The following CBFA2T3 variants were observed in gnomAD, a reference collection of about 807,000 sequenced individuals.
CBFA2T3 encodes transcriptional corepressor CBFA2T3.
In CBFA2T3, 31 loss-of-function variants were observed where a neutral mutation model predicts 58.6. That is an observed-to-expected ratio of 0.53 (90% CI 0.40 to 0.71). CBFA2T3 has a LOEUF of 0.71. CBFA2T3 is among the 30% of genes least tolerant of loss of function. CBFA2T3 has a pLI of 0.00. For synonymous variants in CBFA2T3, 531 were observed against 421.9 expected (o/e 1.26, Z -3.17); for missense variants, 1,076 against 963.1 (o/e 1.12, Z -1.55).
chr16:88,891,053 C>T (rs965915092), intron 5 of CBFA2T3, among the ~76,000 whole-genome samples: 5 of 152,118 alleles, frequency 3.3e-5, no homozygotes, highest in Non-Finnish European at 7.4e-5. Flanking sequence ...CCGCGTGCTG[C>T]CACCCTGGTC....
In CBFA2T3 at chr16:88,952,186, G is replaced by A. The variant is rs1011362195; in HGVS notation, c.151+24471C>T. Among the ~76,000 whole-genome samples, 5 of 151,930 alleles carry A rather than the reference G, an allele frequency of 3.3e-5. No individual in the cohort carries two copies. The East Asian group carries it at 9.7e-4, about 30-fold the overall frequency. ...CTAATTTTTATCAGCCAGATACCTG[G>A]CCAGGCCCCAGGGTGGACAATCTCC... is the stretch of plus-strand genomic sequence containing the variant. On this transcript the variant is annotated intron_variant, in intron 1 of 11. Coordinates refer to ENST00000268679, the MANE Select transcript of CBFA2T3 (RefSeq NM_005187.6).
At chr16:88,907,362 T>A (rs1970373266) in intron 1 of CBFA2T3, among the ~76,000 whole-genome samples, 1 of 150,256 alleles carries the variant, frequency 6.7e-6, no homozygotes. Context: ...ACTGAGGTCC[T>A]CCTGCTGGGG....
chr16:88,915,058 G>A (rs1454431719), intron 1 of CBFA2T3, among the ~76,000 whole-genome samples: 1 of 151,578 alleles, frequency 6.6e-6, no homozygotes, highest in Non-Finnish European at 1.5e-5. Context: ...CACTGGCCCT[G>A]GCACCCTGGG....
At chr16:88,962,311 CT>C (rs1972385434) in intron 1 of CBFA2T3, among the ~76,000 whole-genome samples, 1 of 152,274 alleles carries the variant, frequency 6.6e-6, no homozygotes, top group Non-Finnish European at 1.5e-5. Flanking sequence ...CATACTCGTA[CT>C]TTTTTACTTT....
intron 1 of CBFA2T3, among the ~76,000 whole-genome samples, chr16:88,959,880 G>T (rs1024348198): frequency 1.3e-5 from 2 of 152,082 alleles, no homozygotes; most frequent in Non-Finnish European, 2.9e-5. Flanking sequence ...ACAAAAATTA[G>T]CAGGATGCAG....
At chr16:88,894,713 T>C (rs957920161) in intron 3 of CBFA2T3, among the ~76,000 whole-genome samples, 2 of 152,206 alleles carry the variant, frequency 1.3e-5, no homozygotes, top group African/African-American at 2.4e-5. Context: ...TCACCCGTGC[T>C]GAGAGTGTGG....
At position 88,970,082 on chromosome 16, in the gene CBFA2T3, G is replaced by T. The variant is rs776133584; in HGVS notation, c.151+6575C>A. Among the ~76,000 whole-genome samples the T allele has an allele frequency of 3.3e-4, 51 of 152,384 alleles. 1 individual carries two copies. Among genetic ancestry groups the T allele is most frequent in the African/African-American group, 1.2e-3 (51 of 41,590 alleles). ...GAAAAGCTGATGGAAATTCACGTCA[G>T]TGGGAGGCAGGCCTGGGGGAGGGGT... On this transcript the variant is annotated intron_variant, in intron 1 of 11. Coordinates refer to ENST00000268679, the MANE Select transcript of CBFA2T3 (RefSeq NM_005187.6).
intron 1 of CBFA2T3, among the ~76,000 whole-genome samples, chr16:88,932,041 C>T (rs939364476): frequency 1.3e-5 from 2 of 152,156 alleles, no homozygotes; most frequent in East Asian, 1.9e-4. Flanking sequence ...CACACGTGTG[C>T]ACACCATCAC....
chr16:88,877,475 G>GTCT (rs1968884527), intron 11 of CBFA2T3, among the ~76,000 whole-genome samples, 200 bp from the exon 12 acceptor site: 1 of 152,188 alleles, frequency 6.6e-6, no homozygotes, highest in South Asian at 2.1e-4. Flanking sequence ...CCACTACCGT[G>GTCT]TCTCACGCTC....
intron 1 of CBFA2T3, chr16:88,939,658 C>T (rs1971638041): frequency 6.6e-6 from 1 of 152,374 alleles, no homozygotes; most frequent in South Asian, 2.1e-4. Context: ...AAGTATCTGA[C>T]TCCCAACGCC....
intron 1 of CBFA2T3, among the ~76,000 whole-genome samples, chr16:88,904,824 C>T (rs1970241196): frequency 6.6e-6 from 1 of 152,208 alleles, no homozygotes; most frequent in Non-Finnish European, 1.5e-5. Context: ...GAGCCTCTTC[C>T]CCTCTCTGAG....
At chr16:88,879,526 A>T in intron 10 of CBFA2T3, 66 bp from the exon 11 acceptor site, 1 of 1,450,336 alleles carries the variant, frequency 6.9e-7, no homozygotes, top group Non-Finnish European at 9.6e-7. Context: ...TGGACTTCCT[A>T]CGCGTGGCCA....
chr16:88,932,873 G>T (rs559766061), intron 1 of CBFA2T3, among the ~76,000 whole-genome samples: 1 of 147,420 alleles, frequency 6.8e-6, no homozygotes, highest in Non-Finnish European at 1.5e-5. Flanking sequence ...GGAGGCTGAC[G>T]CAGGAGAATC....
At chr16:88,914,011 C>T (rs1445367016) in intron 1 of CBFA2T3, among the ~76,000 whole-genome samples, 1 of 152,230 alleles carries the variant, frequency 6.6e-6, no homozygotes, top group African/African-American at 2.4e-5. Context: ...GCCACTTCCT[C>T]AGCAAGCGTG....
chr16:88,892,779 G>GCCC (rs1969697596), intron 3 of CBFA2T3, among the ~76,000 whole-genome samples: 1 of 152,132 alleles, frequency 6.6e-6, no homozygotes, highest in African/African-American at 2.4e-5. Context: ...AAGCCTCTTT[G>GCCC]CCCCAGGTCC....
Position 88,958,121 on chromosome 16 carries a change from G to C in CBFA2T3, c.151+18536C>G, listed in dbSNP as rs56037336. ...TTGTCAGCGCACCAGGGCAGTAGCG[G>C]GATGGGTGTCAAGGCCGTGCACACC... is the stretch of plus-strand genomic sequence containing the variant. On this transcript the variant is annotated intron_variant, in intron 1 of 11. Transcript: ENST00000268679. The surrounding 1 kb of genome is among the most constrained non-coding windows in gnomAD (Gnocchi z 4.0). 5.4e-3 allele frequency among the ~76,000 whole-genome samples: 815 copies of C among 152,276 alleles called. 12 individuals carry two copies. Among genetic ancestry groups the C allele is most frequent in the African/African-American group, 0.019 (799 of 41,556 alleles).
intron 1 of CBFA2T3, among the ~76,000 whole-genome samples, chr16:88,941,396 C>A (rs1001460350): frequency 6.8e-6 from 1 of 146,210 alleles, no homozygotes; most frequent in Non-Finnish European, 1.5e-5. Flanking sequence ...CCGCCTCCTG[C>A]CCCCCGCCGC....
intron 1 of CBFA2T3, among the ~76,000 whole-genome samples, chr16:88,907,534 A>T (rs1387139448): frequency 3.9e-5 from 6 of 152,158 alleles, no homozygotes; most frequent in Non-Finnish European, 7.4e-5. Context: ...CGCGGCCCTG[A>T]GATCCTGCGC....
chr16:88,890,667 G>A (rs55992230), intron 5 of CBFA2T3, among the ~76,000 whole-genome samples: 5,539 of 152,286 alleles, frequency 0.036, 307 homozygotes, highest in African/African-American at 0.13. Context: ...CCGTCTGTGT[G>A]TGCGTGGGAA....
Sources: allele counts gnomAD v4.1 joint callset (sites outside exome capture counted in the v4.1 genomes callset), GRCh38; gene constraint gnomAD v4.1.1; non-coding constraint Gnocchi (gnomAD v3.1); transcripts MANE v1.5; gene names NCBI Gene and HGNC (gene_info 2026-07-23, HGNC 2026-07-21).